DENND4A: variants seen among roughly 807,000 people sequenced by gnomAD.
DENND4A encodes the protein C-myc promoter-binding protein.
In DENND4A, 70 loss-of-function variants were observed where a neutral mutation model predicts 199.3. That is an observed-to-expected ratio of 0.35 (90% CI 0.29 to 0.43). The LOEUF (loss-of-function observed/expected upper bound fraction) is 0.43. Ranked by LOEUF, DENND4A falls within the 20% of genes least tolerant of loss-of-function variation. The pLI, the probability that DENND4A is intolerant of heterozygous loss-of-function variation, is 1.00. For missense variants in DENND4A, 1,723 were observed against 2,255.8 expected (o/e 0.76, Z 4.78); for synonymous variants, 686 against 766.9 (o/e 0.89, Z 1.74).
rs995196643 is a variant in DENND4A at position 65,752,577 on chromosome 15, C to G, written c.363G>C (p.Gln121His). The G allele has an allele frequency of 2.5e-6, 4 of 1,600,876 alleles. No individual in the cohort carries two copies. The highest frequency in any genetic ancestry group is 8.5e-7 in the Non-Finnish European group (1 of 1,172,146). ...ERLKQGCEII[Q>H]STPYGRPANI... Reference sequence around the variant, plus strand: ...TTGCGGGGCGCCCATAGGGAGTACTCTGAATAATTTCACAACCCTGTTTCA... The same window carrying G: ...TTGCGGGGCGCCCATAGGGAGTACTGTGAATAATTTCACAACCCTGTTTCA... Residue 121 changes from glutamine to histidine, a missense_variant, in exon 4 of 33, where the codon CAG (glutamine) becomes CAC (histidine). Around this residue, in one of 6 missense-constraint regions of DENND4A, gnomAD observed 725 missense variants for 952.9 expected, o/e 0.76. Coordinates refer to ENST00000443035, the MANE Select transcript of DENND4A (RefSeq NM_001320835.1).
intron 25 of DENND4A, among the ~76,000 whole-genome samples, chr15:65,671,307 AC>A (rs1162702280): frequency 6.6e-6 from 1 of 152,246 alleles, no homozygotes; most frequent in Admixed American, 6.5e-5. Flanking sequence ...AATCTGAAAT[AC>A]TGGATATCCA....
intron 13 of DENND4A, among the ~76,000 whole-genome samples, chr15:65,716,018 G>A (rs1004755547): frequency 6.6e-6 from 1 of 151,560 alleles, no homozygotes; most frequent in Non-Finnish European, 1.5e-5. Flanking sequence ...ACATTCCCTC[G>A]TATTCATTCA....
Position 65,667,487 on chromosome 15 carries a change from A to G in DENND4A, c.5203T>C (p.Leu1735=), listed in dbSNP as rs779159358. Reference sequence around the variant, plus strand: ...TTACAGTGCTCAGAAGAAAGAATCAATCCAGGTAAGTTACTGGGCAAGTCA... The same window carrying G: ...TTACAGTGCTCAGAAGAAAGAATCAGTCCAGGTAAGTTACTGGGCAAGTCA... The part of the protein sequence containing the change: ...RLDLPSNLPG[L]ILSSEHCNKY... Residue 1735 remains leucine, a synonymous_variant, in exon 29 of 33, where the codon TTG becomes CTG. Transcript: ENST00000443035. 1 of 1,614,034 alleles carries G rather than the reference A, an allele frequency of 6.2e-7. No homozygotes were observed. Among genetic ancestry groups the G allele is most frequent in the South Asian group, 1.1e-5 (1 of 91,086 alleles).
chr15:65,717,652 T>C (rs1319759704), intron 13 of DENND4A, 126 bp downstream of exon 13: 2 of 852,398 alleles, frequency 2.3e-6, no homozygotes, highest in East Asian at 2.7e-5. Flanking sequence ...ACAAAGCTAG[T>C]ATTCAGATTC....
intron 30 of DENND4A, 121 bp from the exon 31 acceptor site, chr15:65,664,843 T>A: frequency 1.2e-6 from 1 of 836,028 alleles, no homozygotes; most frequent in Non-Finnish European, 1.8e-6. Context: ...GGGCAATAGA[T>A]AAAGAAATAG....
At position 65,727,042 on chromosome 15, in the gene DENND4A, G is replaced by A. The variant is rs111380645; in HGVS notation, c.1487+2030C>T. 7.4e-3 allele frequency among the ~76,000 whole-genome samples: 1,123 copies of A among 152,220 alleles called. 14 individuals carry two copies. Among genetic ancestry groups the A allele is most frequent in the African/African-American group, 0.026 (1,081 of 41,520 alleles). On this transcript the variant is annotated intron_variant, in intron 11 of 32. Coordinates refer to ENST00000443035, the MANE Select transcript of DENND4A (RefSeq NM_001320835.1). ...TTAAAAATGGAGAAAAACTGGGTGT[G>A]GTGGCTCATGCCTGTAATCCCAATG...
chr15:65,669,801 G>C lies in DENND4A; in HGVS notation c.4765C>G (p.Gln1589Glu), dbSNP rs750307625. 2 of 1,612,844 alleles carry C rather than the reference G, an allele frequency of 1.2e-6. No homozygotes were observed. Among genetic ancestry groups the C allele is most frequent in the Non-Finnish European group, 1.7e-6 (2 of 1,179,180 alleles). ...TACCTATTTAGATCAAAATTCCCTTGAACAGAGAGAGCAGATGTGTCAAGA... is the reference window on the plus strand; with the variant it reads ...TACCTATTTAGATCAAAATTCCCTTCAACAGAGAGAGCAGATGTGTCAAGA... Reference protein sequence around the residue: ...SGLDTSALSVQGNFDLNSKSK... With the variant: ...SGLDTSALSVEGNFDLNSKSK... The change falls in exon 27 of 33, where the codon CAA becomes GAA. Residue 1589 changes from glutamine (Q) to glutamate (E), a missense_variant. Physicochemically the swap from Gln to Glu is conservative, Grantham distance 29 (BLOSUM62 2). Transcript: ENST00000443035.
Position 65,752,555 on chromosome 15 carries a change from C to A in DENND4A, c.385G>T (p.Ala129Ser). 1 of 1,611,910 alleles carries A rather than the reference C, an allele frequency of 6.2e-7. No homozygotes were observed. The highest frequency in any genetic ancestry group is 8.5e-7 in the Non-Finnish European group (1 of 1,178,892). ...GATGAGGTACTCCCACTAATATTTG[C>A]GGGGCGCCCATAGGGAGTACTCTGA... ...IIQSTPYGRP[A>S]NISGSTSSQR... Residue 129 changes from alanine to serine, a missense_variant, in exon 4 of 33, where the codon GCA (alanine) becomes TCA (serine). This residue lies in a region of DENND4A where 725 missense variants were observed against 952.9 expected (regional missense o/e 0.76). Coordinates refer to ENST00000443035, the MANE Select transcript of DENND4A (RefSeq NM_001320835.1).
At chr15:65,732,670 C>T in intron 8 of DENND4A, 82 bp downstream of exon 8, 1 of 831,998 alleles carries the variant, frequency 1.2e-6, no homozygotes, top group South Asian at 1.7e-5. Flanking sequence ...TTTCCTCATT[C>T]AGAATTGTTA....
rs983040274 is a variant in DENND4A, at chr15:65,715,570, T to C, written c.1861A>G (p.Lys621Glu). The change falls in exon 14 of 33, where the codon AAA becomes GAA. Residue 621 changes from lysine (K) to glutamate (E), a missense_variant. Physicochemically the swap from Lys to Glu is moderately conservative, Grantham distance 56 (BLOSUM62 1). This residue lies in a region of DENND4A where 725 missense variants were observed against 952.9 expected (regional missense o/e 0.76). Coordinates refer to ENST00000443035, the MANE Select transcript of DENND4A (RefSeq NM_001320835.1). ...ATGAAGCGAATAAACATTTGTGTTT[T>C]GGTCATCATGTTATAGAATTTTTGA... ...SHQKFYNMMT[K>E]TQMFIRFIEE... 1 of 1,601,136 alleles carries C rather than the reference T, an allele frequency of 6.2e-7. No homozygotes were observed. Among genetic ancestry groups the C allele is most frequent in the Admixed American group, 1.7e-5 (1 of 57,472 alleles).
chr15:65,668,208 CTCTTT>C (rs2076104307), intron 27 of DENND4A, 85 bp from the exon 28 acceptor site: 3 of 958,676 alleles, frequency 3.1e-6, no homozygotes, highest in East Asian at 5.8e-5. Context: ...CTCTCTCTCT[CTCTTT>C]TTTTTTTTTT....
rs143954344 is a variant in DENND4A, at chr15:65,732,877, C to G, written c.1041-59G>C. ...AGTGAACGTCATATGCTATAAAGCT[C>G]AACATGTCATCACAAGTCCAAGTTG... is the stretch of plus-strand genomic sequence containing the variant. On this transcript the variant is annotated intron_variant, in intron 7 of 32. Coordinates refer to ENST00000443035, the MANE Select transcript of DENND4A (RefSeq NM_001320835.1). 3.7e-4 allele frequency: 384 copies of G among 1,024,952 alleles called. 1 individual carries two copies. The African/African-American group carries it at 5.5e-3, about 15-fold the overall frequency. The allele number at this position is 1,024,952 out of a possible 1,614,324, so 63.5% of individuals were successfully genotyped here. A position where few individuals can be genotyped will look rare whatever the true frequency, so the allele number is the denominator to read the frequency against.
rs764706121 is a variant in DENND4A at position 65,667,445 on chromosome 15, A to G, written c.5241+4T>C. ...TCATTGCCTTTTAATTTTTAGTCTCATACCTTTGAATACTTGTTACAGTGC... is the reference window on the plus strand; with the variant it reads ...TCATTGCCTTTTAATTTTTAGTCTCGTACCTTTGAATACTTGTTACAGTGC... On this transcript the variant is annotated splice_donor_region_variant and intron_variant, in intron 29 of 32. Transcript: ENST00000443035. 1 of 1,613,424 alleles carries G rather than the reference A, an allele frequency of 6.2e-7. No individual in the cohort carries two copies. The highest frequency in any genetic ancestry group is 1.1e-5 in the South Asian group (1 of 90,992).
intron 1 of DENND4A, among the ~76,000 whole-genome samples, chr15:65,787,852 T>G (rs2077606985): frequency 6.6e-6 from 1 of 152,184 alleles, no homozygotes; most frequent in African/African-American, 2.4e-5. Flanking sequence ...CTTTGTAATC[T>G]CAGTAACTAG....
In DENND4A at chr15:65,672,162, G is replaced by C. The variant is rs531593320; in HGVS notation, c.4370-276C>G. ...CTTACTAAAGCACTTTATGTGAACA[G>C]ACTAGAAAACATTCTAGTCATTAGT... On this transcript the variant is annotated intron_variant, in intron 24 of 32. Transcript: ENST00000443035. 2.0e-5 allele frequency among the ~76,000 whole-genome samples: 3 copies of C among 152,250 alleles called. No homozygotes were observed. The South Asian group carries it at 6.2e-4, about 32-fold the overall frequency.
intron 2 of DENND4A, among the ~76,000 whole-genome samples, chr15:65,756,938 G>A (rs62014407): frequency 0.064 from 9,801 of 152,220 alleles, 341 homozygotes; most frequent in African/African-American, 0.097. Context: ...TCAGGAGGCT[G>A]AGGCAGGAGA....
intron 24 of DENND4A, among the ~76,000 whole-genome samples, chr15:65,674,483 C>T (rs1415143606): frequency 1.3e-5 from 2 of 152,154 alleles, no homozygotes; most frequent in African/African-American, 4.8e-5. Flanking sequence ...AAAAGTATAG[C>T]TGAGTGTGGT....
intron 21 of DENND4A, 83 bp from the exon 22 acceptor site, chr15:65,696,580 A>G (rs958276210): frequency 3.0e-5 from 30 of 1,015,570 alleles, no homozygotes; most frequent in Non-Finnish European, 3.2e-5. Context: ...TCAGTTCTAC[A>G]TATTTTTACT....
chr15:65,705,019 G>A (rs1596479068), intron 15 of DENND4A, among the ~76,000 whole-genome samples: 1 of 152,252 alleles, frequency 6.6e-6, no homozygotes, highest in African/African-American at 2.4e-5. Context: ...AAGTACAAAA[G>A]AGATTAAAAA....
Sources: allele counts gnomAD v4.1 joint callset (sites outside exome capture counted in the v4.1 genomes callset), GRCh38; gene constraint gnomAD v4.1.1; regional missense constraint gnomAD v4.1.1; transcripts MANE v1.5; gene names NCBI Gene and HGNC (gene_info 2026-07-23, HGNC 2026-07-21).